NECTIN1: variants seen among roughly 807,000 people sequenced by gnomAD.
NECTIN1 encodes nectin-1.
NECTIN1 carries 23 observed loss-of-function variants against 48.0 expected under a neutral mutation model. The ratio of observed to expected loss-of-function variants is 0.48; its 90% confidence interval spans 0.34 to 0.68. The LOEUF (loss-of-function observed/expected upper bound fraction) is 0.68, where lower values mean the gene tolerates loss of function less well. NECTIN1 is among the 30% of genes least tolerant of loss of function. NECTIN1 has a pLI of 0.01. For missense variants in NECTIN1, 591 were observed against 709.9 expected (o/e 0.83, Z 1.90); for synonymous variants, 270 against 288.9 (o/e 0.93, Z 0.66).
At chr11:119,698,038 G>C (rs1591473770) in intron 1 of NECTIN1, among the ~76,000 whole-genome samples, 1 of 152,262 alleles carries the variant, frequency 6.6e-6, no homozygotes, top group African/African-American at 2.4e-5. Context: ...AGCTCTCAAT[G>C]TGGATCCAAC....
At position 119,717,343 on chromosome 11, in the gene NECTIN1, C is replaced by T. The variant is rs199580303; in HGVS notation, c.79+11132G>A. Among the ~76,000 whole-genome samples the T allele has an allele frequency of 2.0e-4, 31 of 152,332 alleles. No individual in the cohort carries two copies. In the East Asian group the frequency reaches 5.6e-3, roughly 28 times the overall value. ...AGTGGAGACCATCAGAGTGCTCTGC[C>T]GGCCCAGGACACTGATGACTCTCCA... On this transcript the variant is annotated intron_variant, in intron 1 of 5. Transcript: ENST00000264025.
intron 5 of NECTIN1, among the ~76,000 whole-genome samples, chr11:119,643,287 C>T (rs991762395): frequency 2.0e-5 from 3 of 152,204 alleles, no homozygotes; most frequent in Non-Finnish European, 2.9e-5. Flanking sequence ...AAATTGGCCT[C>T]AAGTCTCTGG....
intron 1 of NECTIN1, among the ~76,000 whole-genome samples, chr11:119,716,670 G>T (rs771196297): frequency 2.0e-5 from 3 of 152,166 alleles, no homozygotes; most frequent in African/African-American, 4.8e-5. Flanking sequence ...TCTAACTGGC[G>T]GCTGGGGGGC....
chr11:119,728,564 G>C lies in NECTIN1; in HGVS notation c.-11C>G. The C allele has an allele frequency of 6.4e-7, 1 of 1,567,466 alleles. No homozygotes were observed. The highest frequency in any genetic ancestry group is 1.2e-5 in the South Asian group (1 of 85,718). Reference sequence around the variant, plus strand: ...CCCCATCCGAGCCATCGGGGGCCGGGGGTCCGGCGAGAGGGGCGGCGAGGG... The same window carrying C: ...CCCCATCCGAGCCATCGGGGGCCGGCGGTCCGGCGAGAGGGGCGGCGAGGG... On this transcript the variant is annotated 5_prime_UTR_variant, in exon 1 of 6. Transcript: ENST00000264025.
At chr11:119,721,227 C>T (rs982160223) in intron 1 of NECTIN1, among the ~76,000 whole-genome samples, 2 of 152,248 alleles carry the variant, frequency 1.3e-5, no homozygotes, top group African/African-American at 4.8e-5. Context: ...CTCCCCAGAA[C>T]AGCCCTGGAG....
chr11:119,706,407 A>G (rs1266487792), intron 1 of NECTIN1, among the ~76,000 whole-genome samples: 1 of 151,918 alleles, frequency 6.6e-6, no homozygotes, highest in Non-Finnish European at 1.5e-5. Context: ...GGCCCACCCC[A>G]ACTCACCCCC....
At chr11:119,658,084 T>G (rs1463060858), downstream of NECTIN1, among the ~76,000 whole-genome samples, 1 of 152,136 alleles carries the variant, frequency 6.6e-6, no homozygotes, top group African/African-American at 2.4e-5. Flanking sequence ...TGATGTATGT[T>G]GATGATGCCC....
intron 5 of NECTIN1, among the ~76,000 whole-genome samples, chr11:119,670,358 G>A (rs1864844946): frequency 6.6e-6 from 1 of 152,182 alleles, no homozygotes; most frequent in African/African-American, 2.4e-5. Context: ...TTTGCTCATG[G>A]ATTTATACCA....
At position 119,673,539 on chromosome 11, in the gene NECTIN1, T is replaced by C. The variant is rs1019675226; in HGVS notation, c.1003+1620A>G. ...CCTGAGACAAGTGTGAGTATCCCCA[T>C]ATCAGAGGTTAGGAAGCCAAGGCTC... On this transcript the variant is annotated intron_variant, in intron 5 of 5. Transcript: ENST00000264025. This position sits in a 1 kb window ranked among gnomAD's most constrained non-coding sequence, Gnocchi z 5.8. 3.3e-5 allele frequency among the ~76,000 whole-genome samples: 5 copies of C among 152,158 alleles called. No individual in the cohort carries two copies. The highest frequency in any genetic ancestry group is 9.7e-5 in the African/African-American group (4 of 41,446).
Position 119,683,331 on chromosome 11 carries a change from G to C in NECTIN1, c.80-4566C>G, listed in dbSNP as rs1176249426. ...ATTAGGTCACCTGCTCAGGGACACA[G>C]AACAGCAGCACCCAGCCCAGTGCTT... On this transcript the variant is annotated intron_variant, in intron 1 of 5. Coordinates refer to ENST00000264025, the MANE Select transcript of NECTIN1 (RefSeq NM_002855.5). This position sits in a 1 kb window ranked among gnomAD's most constrained non-coding sequence, Gnocchi z 4.0. 6.6e-6 allele frequency among the ~76,000 whole-genome samples: 1 copy of C among 152,176 alleles called. No homozygotes were observed. Among genetic ancestry groups the C allele is most frequent in the Non-Finnish European group, 1.5e-5 (1 of 68,040 alleles).
At position 119,661,448 on chromosome 11, in the gene NECTIN1, A is replaced by G. The variant is rs945371585; in HGVS notation, c.*3299T>C. 1.0e-6 allele frequency: 1 copy of G among 985,708 alleles called. No individual in the cohort carries two copies. Among genetic ancestry groups the G allele is most frequent in the African/African-American group, 1.7e-5 (1 of 57,264 alleles). 61.1% of individuals were successfully genotyped at this position (985,708 alleles called of 1,614,324 possible). A position where few individuals can be genotyped will look rare whatever the true frequency, so the allele number is the denominator to read the frequency against. Reference sequence around the variant, plus strand: ...CTGTGGGTGTGGGGACCTGGGGCACACCCACCTGCCCCTCACTAGGAGAGG... The same window carrying G: ...CTGTGGGTGTGGGGACCTGGGGCACGCCCACCTGCCCCTCACTAGGAGAGG... On this transcript the variant is annotated 3_prime_UTR_variant, in exon 6 of 6. Transcript: ENST00000264025.
rs1864695641 is a variant in NECTIN1 at position 119,663,059 on chromosome 11, A to G, written c.*1688T>C. On this transcript the variant is annotated 3_prime_UTR_variant, in exon 6 of 6. Transcript: ENST00000264025. ...GTTGGGGGGCTCCCTTAGGAAGCCT[A>G]TGGCAGGGTGGGTCAGTGCCCGTGG... 1.0e-6 allele frequency: 1 copy of G among 985,366 alleles called. No homozygotes were observed. The allele number at this position is 985,366 out of a possible 1,614,324, so 61.0% of individuals were successfully genotyped here. A position where few individuals can be genotyped will look rare whatever the true frequency, so the allele number is the denominator to read the frequency against.
intron 1 of NECTIN1, among the ~76,000 whole-genome samples, chr11:119,726,270 T>C (rs569770432): frequency 6.6e-6 from 1 of 152,192 alleles, no homozygotes; most frequent in African/African-American, 2.4e-5. Flanking sequence ...AAGTAGGGTG[T>C]GGGCTTGCAA....
At chr11:119,724,603 CAGG>C (rs1218513401) in intron 1 of NECTIN1, among the ~76,000 whole-genome samples, 2 of 152,232 alleles carry the variant, frequency 1.3e-5, no homozygotes, top group African/African-American at 4.8e-5. Context: ...GGACCACTCA[CAGG>C]TCCTAGTCAG....
In NECTIN1 at chr11:119,709,451, C is replaced by T. The variant is rs1481832238; in HGVS notation, c.79+19024G>A. 6.6e-6 allele frequency among the ~76,000 whole-genome samples: 1 copy of T among 152,148 alleles called. No homozygotes were observed. The highest frequency in any genetic ancestry group is 2.4e-5 in the African/African-American group (1 of 41,442). On this transcript the variant is annotated intron_variant, in intron 1 of 5. Transcript: ENST00000264025. This position sits in a 1 kb window ranked among gnomAD's most constrained non-coding sequence, Gnocchi z 4.1. ...AGGGGCGCAGAGGAAGCCGAGACTACCCTCTAAAGAGTCCTTTCTGTGGGG... is the reference window on the plus strand; with the variant it reads ...AGGGGCGCAGAGGAAGCCGAGACTATCCTCTAAAGAGTCCTTTCTGTGGGG...
In NECTIN1 at chr11:119,661,735, G is replaced by A. The variant is rs1186130431; in HGVS notation, c.*3012C>T. ...CCCCTATAAGGCTCTCTTGCAGCCC[G>A]GGCACTGGGAAATTCGTTTCTCCTT... On this transcript the variant is annotated 3_prime_UTR_variant, in exon 6 of 6. Coordinates refer to ENST00000264025, the MANE Select transcript of NECTIN1 (RefSeq NM_002855.5). The A allele has an allele frequency of 3.0e-6, 3 of 985,614 alleles. No homozygotes were observed. In the African/African-American group the frequency reaches 5.2e-5, roughly 17 times the overall value. The allele number at this position is 985,614 out of a possible 1,614,324, so 61.1% of individuals were successfully genotyped here.
At chr11:119,659,446 G>A (rs2135538232), downstream of NECTIN1, among the ~76,000 whole-genome samples, 1 of 152,334 alleles carries the variant, frequency 6.6e-6, no homozygotes, top group South Asian at 2.1e-4. Context: ...CACTCAGACA[G>A]GTGCTGCTTC....
Position 119,662,641 on chromosome 11 carries a change from G to A in NECTIN1, c.*2106C>T. The A allele has an allele frequency of 3.0e-6, 3 of 985,574 alleles. No homozygotes were observed. Among genetic ancestry groups the A allele is most frequent in the Non-Finnish European group, 3.6e-6 (3 of 829,998 alleles). The allele number at this position is 985,574 out of a possible 1,614,324, so 61.1% of individuals were successfully genotyped here. On this transcript the variant is annotated 3_prime_UTR_variant, in exon 6 of 6. Transcript: ENST00000264025. This position sits in a 1 kb window ranked among gnomAD's most constrained non-coding sequence, Gnocchi z 5.3. ...GGCCCCTGGGATTGCCTCCTGCCTG[G>A]GGGAAAAGGGGACCAAGCAGAGGGG... is the stretch of plus-strand genomic sequence containing the variant.
chr11:119,705,226 G>A (rs967503180), intron 1 of NECTIN1, among the ~76,000 whole-genome samples: 1 of 152,188 alleles, frequency 6.6e-6, no homozygotes, highest in Admixed American at 6.5e-5. Flanking sequence ...TGCAGGCAGA[G>A]GAGGCAGCAG....
Sources: gnomAD v4.1 joint callset for allele counts (sites outside exome capture counted in the v4.1 genomes callset) on GRCh38, gnomAD v4.1.1 for gene constraint, Gnocchi (gnomAD v3.1) non-coding constraint, MANE v1.5 for transcripts, NCBI Gene and HGNC (gene_info 2026-07-23, HGNC 2026-07-21) for gene names.